The following SYT6 variants were observed in gnomAD, a reference collection of about 807,000 sequenced individuals.
The protein encoded by SYT6 is synaptotagmin 6, also known as synaptotagmin-6.
Under a neutral mutation model 38.4 loss-of-function variants are expected in SYT6, and 24 were observed. The ratio of observed to expected loss-of-function variants is 0.62; its 90% CI spans 0.45 to 0.88. The LOEUF (loss-of-function observed/expected upper bound fraction) is 0.88. Among genes scored for constraint, SYT6 ranks in the 40% least tolerant of loss-of-function variants. SYT6 has a pLI of 0.00. For synonymous variants in SYT6, 265 were observed against 241.9 expected, an observed-to-expected ratio of 1.10 and a Z score of -0.89; for missense variants, 611 against 621.0, an observed-to-expected ratio of 0.98 and a Z score of 0.17.
chr1:114,144,572 A>C (rs189077447), intron 1 of SYT6, among the ~76,000 whole-genome samples: 91 of 152,286 alleles, frequency 6.0e-4, no homozygotes, highest in African/African-American at 2.0e-3. Context: ...TCACATAGAA[A>C]CTGGCACATG....
chr1:114,106,127 A>C (rs1488660840), intron 3 of SYT6, among the ~76,000 whole-genome samples: 1 of 152,168 alleles, frequency 6.6e-6, no homozygotes, highest in African/African-American at 2.4e-5. Context: ...TCAGCATCAC[A>C]TCTGGCTAAA....
At chr1:114,132,146 G>A (rs756275970) in intron 3 of SYT6, among the ~76,000 whole-genome samples, 2 of 152,220 alleles carry the variant, frequency 1.3e-5, no homozygotes, top group Non-Finnish European at 2.9e-5. Flanking sequence ...GGCAAAGCAG[G>A]TTGTGCCCTT....
chr1:114,130,352 A>G (rs190004557), intron 3 of SYT6, among the ~76,000 whole-genome samples: 32 of 152,348 alleles, frequency 2.1e-4, no homozygotes, highest in African/African-American at 7.2e-4. Context: ...CTTGGCACTT[A>G]GCAGATGCTC....
intron 3 of SYT6, among the ~76,000 whole-genome samples, chr1:114,117,970 CG>C (rs1159875087): frequency 6.6e-6 from 1 of 152,208 alleles, no homozygotes; most frequent in Non-Finnish European, 1.5e-5. Context: ...CAGACACTTT[CG>C]GGCCCCTTCC....
chr1:114,121,075 C>T (rs1459135455), intron 3 of SYT6, among the ~76,000 whole-genome samples: 1 of 152,236 alleles, frequency 6.6e-6, no homozygotes. Context: ...CCAAGGCCCC[C>T]AGGGGGAGGT....
chr1:114,125,998 G>A (rs1235766556), intron 3 of SYT6, among the ~76,000 whole-genome samples: 1 of 152,122 alleles, frequency 6.6e-6, no homozygotes, highest in Non-Finnish European at 1.5e-5. Context: ...CTACAGTATA[G>A]AGAGGCTCAC....
rs528471397 is a variant in SYT6, at chr1:114,104,833, T to C, written c.1072-1112A>G. ...AAATAAATTTCAACTTAAAAAAAATTCCACCTTTTATTTTAGGTTCAGATT... is the reference window on the plus strand; with the variant it reads ...AAATAAATTTCAACTTAAAAAAAATCCCACCTTTTATTTTAGGTTCAGATT... On this transcript the variant is annotated intron_variant, in intron 3 of 7. Transcript: ENST00000610222. 7.9e-5 allele frequency among the ~76,000 whole-genome samples: 12 copies of C among 152,224 alleles called. No homozygotes were observed. In the South Asian group the frequency reaches 2.3e-3, roughly 29 times the overall value.
At chr1:114,097,453 C>T (rs947099047) in intron 6 of SYT6, among the ~76,000 whole-genome samples, 22 of 152,356 alleles carry the variant, frequency 1.4e-4, no homozygotes, top group Admixed American at 8.5e-4. Context: ...TCAGACCTGG[C>T]ACAGTGGTCT....
chr1:114,110,567 G>A (rs1557740343), intron 3 of SYT6, among the ~76,000 whole-genome samples: 2 of 152,184 alleles, frequency 1.3e-5, no homozygotes, highest in Admixed American at 6.5e-5. Flanking sequence ...GGTTAAGGGA[G>A]GACTTGCAAG....
Position 114,153,604 on chromosome 1 carries a change from C to T in SYT6, c.163+6G>A. 1 of 596,892 alleles carries T rather than the reference C, an allele frequency of 1.7e-6. No homozygotes were observed. Among genetic ancestry groups the T allele is most frequent in the Non-Finnish European group, 3.0e-6 (1 of 333,306 alleles). The allele number at this position is 596,892 out of a possible 1,614,324, so 37.0% of individuals were successfully genotyped here. A position where few individuals can be genotyped will look rare whatever the true frequency, so the allele number is the denominator to read the frequency against. ...GGAAGGGAGGGGGCCCTGGGTCTCC[C>T]GTTACCTGCGCCTGCCGCGCTGGGA... On this transcript the variant is annotated splice_donor_region_variant and intron_variant, in intron 1 of 7. Transcript: ENST00000610222.
At chr1:114,100,646 A>G (rs951644477) in intron 4 of SYT6, among the ~76,000 whole-genome samples, 4 of 152,206 alleles carry the variant, frequency 2.6e-5, no homozygotes, top group Admixed American at 6.5e-5. Context: ...GTCTCAAACT[A>G]CACATTTGAA....
At chr1:114,116,287 G>A (rs923377521) in intron 3 of SYT6, among the ~76,000 whole-genome samples, 5 of 152,196 alleles carry the variant, frequency 3.3e-5, no homozygotes, top group African/African-American at 9.7e-5. Context: ...GAGGGAGGGG[G>A]AGAAGCTAGG....
In SYT6 at chr1:114,091,951, G is replaced by A. The variant is rs1483399195; in HGVS notation, c.*183C>T. On this transcript the variant is annotated 3_prime_UTR_variant, in exon 8 of 8. Transcript: ENST00000610222. Reference sequence around the variant, plus strand: ...TGCGACTGCACAACACTGTTTAGACGGTTGAACAAGTGCAAAGAGAACATT... The same window carrying A: ...TGCGACTGCACAACACTGTTTAGACAGTTGAACAAGTGCAAAGAGAACATT... 8.6e-6 allele frequency: 13 copies of A among 1,509,790 alleles called. No individual in the cohort carries two copies. The highest frequency in any genetic ancestry group is 4.9e-5 in the East Asian group (2 of 40,936). The allele number at this position is 1,509,790 out of a possible 1,614,324, so 93.5% of individuals were successfully genotyped here.
intron 3 of SYT6, among the ~76,000 whole-genome samples, chr1:114,115,557 C>T (rs978572938): frequency 7.9e-5 from 12 of 151,900 alleles, no homozygotes; most frequent in Non-Finnish European, 1.5e-4. Context: ...GCTGGGATTA[C>T]AGGTGCATGC....
Position 114,097,749 on chromosome 1 carries a change from T to C in SYT6, c.1493A>G (p.Glu498Gly). 1 of 1,614,114 alleles carries C rather than the reference T, an allele frequency of 6.2e-7. No homozygotes were observed. Among genetic ancestry groups the C allele is most frequent in the Non-Finnish European group, 8.5e-7 (1 of 1,179,994 alleles). ...CACCTCTTTGAAGGATTTCTTTACC[T>C]CCACCAAGGAGTGCCAGTGTGCGAT... is the stretch of plus-strand genomic sequence containing the variant. Reference protein sequence around the residue: ...KPIAHWHSLVEVKKSFKEGNP... With the variant: ...KPIAHWHSLVGVKKSFKEGNP... Residue 498 changes from glutamate to glycine, a missense_variant, in exon 6 of 8, where the codon GAG (glutamate) becomes GGG (glycine). By Grantham distance (98) the Glu-to-Gly change is moderately conservative. Transcript: ENST00000610222.
chr1:114,110,052 G>T (rs1027021912), intron 3 of SYT6, among the ~76,000 whole-genome samples: 2 of 152,092 alleles, frequency 1.3e-5, no homozygotes, highest in Non-Finnish European at 2.9e-5. Context: ...AGGGCCCCAG[G>T]CAAGGGCCAG....
chr1:114,122,326 A>T (rs1677454118), intron 3 of SYT6, among the ~76,000 whole-genome samples: 1 of 152,224 alleles, frequency 6.6e-6, no homozygotes, highest in African/African-American at 2.4e-5. Flanking sequence ...ATTCTTTTCC[A>T]AACAGAATTT....
chr1:114,147,625 G>A (rs1244568990), intron 1 of SYT6, among the ~76,000 whole-genome samples: 1 of 152,240 alleles, frequency 6.6e-6, no homozygotes, highest in Non-Finnish European at 1.5e-5. Context: ...TCAGACACAG[G>A]ATGGACATCT....
intron 2 of SYT6, among the ~76,000 whole-genome samples, chr1:114,139,030 A>G (rs1557764724): frequency 6.6e-6 from 1 of 152,120 alleles, no homozygotes; most frequent in African/African-American, 2.4e-5. Flanking sequence ...CTTGCACCAC[A>G]TCTTTTAAAA....
Sources: allele counts gnomAD v4.1 joint callset (sites outside exome capture counted in the v4.1 genomes callset), GRCh38; gene constraint gnomAD v4.1.1; transcripts MANE v1.5; gene names NCBI Gene and HGNC (gene_info 2026-07-23, HGNC 2026-07-21).